The following RPS6KC1 variants were observed in gnomAD, a reference collection of about 807,000 sequenced individuals.
RPS6KC1 encodes inactive ribosomal protein S6 kinase delta-1.
RPS6KC1 carries 54 observed loss-of-function variants against 103.8 expected under a neutral mutation model. The observed-to-expected ratio is 0.52, with a 90% confidence interval of 0.42 to 0.65. The LOEUF is 0.65. Ranked by LOEUF, RPS6KC1 falls within the 30% of genes least tolerant of loss-of-function variation. RPS6KC1 has a pLI of 0.00. For missense variants in RPS6KC1, 1,151 were observed against 1,253.8 expected, an observed-to-expected ratio of 0.92 and a Z score of 1.24; for synonymous variants, 439 against 438.7, an observed-to-expected ratio of 1.00 and a Z score of -0.01.
chr1:213,683,243 G>GT, the RPS6KC1 span, among the ~76,000 whole-genome samples: 1 of 152,142 alleles, frequency 6.6e-6, no homozygotes, highest in Non-Finnish European at 1.5e-5. Context: ...TCTCTAGTTT[G>GT]TTTTTGAGCT....
chr1:213,434,742 C>T, the RPS6KC1 span, among the ~76,000 whole-genome samples: 1 of 152,162 alleles, frequency 6.6e-6, no homozygotes, highest in Non-Finnish European at 1.5e-5. Flanking sequence ...AGGCATGAGC[C>T]ACTGCACCTG....
the RPS6KC1 span, among the ~76,000 whole-genome samples, chr1:213,548,811 T>G: frequency 1.3e-5 from 2 of 152,254 alleles, no homozygotes; most frequent in Non-Finnish European, 2.9e-5. Flanking sequence ...CATTTTATTA[T>G]AATTCTTGGA....
chr1:213,488,840 C>T, the RPS6KC1 span, among the ~76,000 whole-genome samples: 1 of 152,202 alleles, frequency 6.6e-6, no homozygotes, highest in Non-Finnish European at 1.5e-5. Flanking sequence ...CCTTAGAGCG[C>T]TCTGCCTTGT....
chr1:213,472,648 T>G, the RPS6KC1 span, among the ~76,000 whole-genome samples: 1 of 152,192 alleles, frequency 6.6e-6, no homozygotes, highest in East Asian at 1.9e-4. Context: ...CCATCAAATG[T>G]TGACAGTTTC....
At chr1:213,758,243 A>G in the RPS6KC1 span, among the ~76,000 whole-genome samples, 2 of 152,146 alleles carry the variant, frequency 1.3e-5, no homozygotes, top group South Asian at 4.1e-4. Context: ...TAAACTGAAA[A>G]TCCTCTGGAA....
At chr1:213,372,180 G>A in the RPS6KC1 span, among the ~76,000 whole-genome samples, 1 of 152,184 alleles carries the variant, frequency 6.6e-6, no homozygotes, top group African/African-American at 2.4e-5. Flanking sequence ...TGAATGGGTG[G>A]GACCTGTGCA....
intron 3 of RPS6KC1, among the ~76,000 whole-genome samples, chr1:213,103,047 ATAAT>A (rs1431243158): frequency 1.3e-5 from 2 of 152,078 alleles, no homozygotes; most frequent in African/African-American, 4.8e-5. Context: ...TCTCTACAAA[ATAAT>A]TAGCTGGCTG....
the RPS6KC1 span, among the ~76,000 whole-genome samples, chr1:213,654,720 G>T: frequency 0.49 from 74,042 of 151,908 alleles, 18,859 homozygotes; most frequent in African/African-American, 0.64. Flanking sequence ...TAAAAATGTG[G>T]CCCCAGTTTT....
the RPS6KC1 span, among the ~76,000 whole-genome samples, chr1:213,761,933 A>C: frequency 7.2e-6 from 1 of 138,580 alleles, no homozygotes; most frequent in Non-Finnish European, 1.6e-5. Flanking sequence ...TTTTCTATTC[A>C]GATATATCTA....
At chr1:213,133,566 C>G (rs1438151716) in intron 6 of RPS6KC1, among the ~76,000 whole-genome samples, 1 of 152,098 alleles carries the variant, frequency 6.6e-6, no homozygotes, top group Non-Finnish European at 1.5e-5. Flanking sequence ...TTATTTAAAA[C>G]AGGAAGCTAC....
At chr1:213,511,334 G>A in the RPS6KC1 span, among the ~76,000 whole-genome samples, 5 of 152,134 alleles carry the variant, frequency 3.3e-5, no homozygotes, top group Admixed American at 1.3e-4. Flanking sequence ...GTGCCCCCAC[G>A]GCCCTGCTCT....
At chr1:213,656,632 G>A in the RPS6KC1 span, among the ~76,000 whole-genome samples, 6 of 152,198 alleles carry the variant, frequency 3.9e-5, 1 homozygote, top group Admixed American at 1.3e-4. Flanking sequence ...AGGCAAGCCA[G>A]GACTGGGCTC....
chr1:213,434,154 C>A, the RPS6KC1 span, among the ~76,000 whole-genome samples: 1 of 147,044 alleles, frequency 6.8e-6, no homozygotes, highest in Non-Finnish European at 1.5e-5. Context: ...TTATACTGTT[C>A]TCCCATTATT....
the RPS6KC1 span, among the ~76,000 whole-genome samples, chr1:213,782,459 G>A: frequency 6.6e-6 from 1 of 151,926 alleles, no homozygotes; most frequent in African/African-American, 2.4e-5. Context: ...CAGGGAACTT[G>A]ACTATTTTGT....
chr1:213,124,157 T>C (rs1345359734), intron 5 of RPS6KC1, among the ~76,000 whole-genome samples: 2 of 152,164 alleles, frequency 1.3e-5, no homozygotes, highest in African/African-American at 2.4e-5. Flanking sequence ...GAGACTTGAA[T>C]TTCTGTGATA....
At chr1:213,117,098 G>C (rs930895367) in intron 4 of RPS6KC1, among the ~76,000 whole-genome samples, 21 of 151,974 alleles carry the variant, frequency 1.4e-4, no homozygotes, top group African/African-American at 4.8e-4. Context: ...CCAGCCCCCA[G>C]TTTCTGCCAT....
chr1:213,083,218 G>A (rs2080064867), intron 3 of RPS6KC1, among the ~76,000 whole-genome samples: 3 of 152,156 alleles, frequency 2.0e-5, no homozygotes, highest in Admixed American at 1.3e-4. Context: ...AAACAACCAC[G>A]AAGCCACACA....
At chr1:213,066,628 A>G (rs184992800) in intron 1 of RPS6KC1, among the ~76,000 whole-genome samples, 2 of 152,314 alleles carry the variant, frequency 1.3e-5, no homozygotes, top group East Asian at 3.9e-4. Flanking sequence ...GAGTATTGCT[A>G]AGGAAGCCGG....
the RPS6KC1 span, among the ~76,000 whole-genome samples, chr1:213,290,696 AG>A: frequency 6.6e-6 from 1 of 152,040 alleles, no homozygotes; most frequent in Non-Finnish European, 1.5e-5. Context: ...AGTTGTGACA[AG>A]GGCAGACATG....
Sources: allele counts gnomAD v4.1 joint callset (sites outside exome capture counted in the v4.1 genomes callset), GRCh38; gene constraint gnomAD v4.1.1; transcripts MANE v1.5; gene names NCBI Gene and HGNC (gene_info 2026-07-23, HGNC 2026-07-21).